GABRB2: variants seen among roughly 807,000 people sequenced by gnomAD.
The protein encoded by GABRB2 is gamma-aminobutyric acid receptor subunit beta-2.
Under a neutral mutation model 54.7 loss-of-function variants are expected in GABRB2, and 16 were observed. The observed-to-expected ratio is 0.29, with a 90% CI of 0.20 to 0.44. The LOEUF (loss-of-function observed/expected upper bound fraction) is 0.44. Among genes scored for constraint, GABRB2 ranks in the 20% least tolerant of loss-of-function variants. The pLI, the probability that GABRB2 is intolerant of heterozygous loss-of-function variation, is 1.00. For synonymous variants in GABRB2, 244 were observed against 233.8 expected (o/e 1.04, Z -0.40); for missense variants, 355 against 644.0 (o/e 0.55, Z 4.86).
At chr5:161,322,298 C>A (rs981849472) in intron 9 of GABRB2, among the ~76,000 whole-genome samples, 2 of 152,102 alleles carry the variant, frequency 1.3e-5, no homozygotes, top group Non-Finnish European at 2.9e-5. Context: ...AGCAATGGTG[C>A]AATCTTGGCG....
chr5:161,514,854 T>C (rs929597465), intron 3 of GABRB2, among the ~76,000 whole-genome samples: 2 of 152,194 alleles, frequency 1.3e-5, no homozygotes, highest in South Asian at 2.1e-4. Flanking sequence ...GTTTAGGAAA[T>C]TGATTAATCT....
intron 7 of GABRB2, 83 bp from the exon 8 acceptor site, chr5:161,331,210 C>A: frequency 1.4e-6 from 2 of 1,434,162 alleles, no homozygotes; most frequent in East Asian, 4.6e-5. Flanking sequence ...GATCTATATT[C>A]ATTTTCTCAT....
chr5:161,391,113 G>A (rs933498911), intron 5 of GABRB2, among the ~76,000 whole-genome samples: 2 of 152,054 alleles, frequency 1.3e-5, no homozygotes, highest in Admixed American at 1.3e-4. Flanking sequence ...ACATCATTAG[G>A]TTATATTTTT....
rs1276680274 is a variant in GABRB2 at position 161,290,910 on chromosome 5, G to A, written c.*3171C>T. The A allele has an allele frequency of 6.6e-6, 1 of 152,506 alleles. No individual in the cohort carries two copies. Among genetic ancestry groups the A allele is most frequent in the Non-Finnish European group, 1.5e-5 (1 of 67,990 alleles). 9.4% of individuals were successfully genotyped at this position (152,506 alleles called of 1,614,324 possible). On this transcript the variant is annotated 3_prime_UTR_variant, in exon 10 of 10. Transcript: ENST00000393959. The stretch of plus-strand genomic sequence containing the variant: ...TTGTGTGTGTTCCTAATGCTAGAAT[G>A]TAAAGTCTTTTGGTTCATAAACCAT...
intron 4 of GABRB2, among the ~76,000 whole-genome samples, chr5:161,452,002 T>C (rs1037400382): frequency 6.6e-6 from 1 of 152,162 alleles, no homozygotes; most frequent in Non-Finnish European, 1.5e-5. Flanking sequence ...GAGTTTTCAA[T>C]GTGATTAAGT....
intron 4 of GABRB2, among the ~76,000 whole-genome samples, chr5:161,438,091 A>G (rs1757361264): frequency 6.6e-6 from 1 of 152,196 alleles, no homozygotes; most frequent in Non-Finnish European, 1.5e-5. Flanking sequence ...GGCCTTGTCC[A>G]AGACCCAGCA....
At position 161,323,312 on chromosome 5, in the gene GABRB2, C is replaced by T. The variant is rs187795334; in HGVS notation, c.1191+3056G>A. On this transcript the variant is annotated intron_variant, in intron 9 of 9. Transcript: ENST00000393959. The stretch of plus-strand genomic sequence containing the variant: ...TGCTGGGATTACAGGCGTGAGCCAC[C>T]CGCCCAGCCAAAATATACTTTTTTA... 5.9e-5 allele frequency among the ~76,000 whole-genome samples: 9 copies of T among 152,214 alleles called. No homozygotes were observed. In the East Asian group the frequency reaches 1.5e-3, roughly 26 times the overall value.
chr5:161,391,934 T>C (rs1267973346), intron 5 of GABRB2, among the ~76,000 whole-genome samples: 1 of 152,324 alleles, frequency 6.6e-6, no homozygotes, highest in East Asian at 1.9e-4. Flanking sequence ...TTCCTAGCCC[T>C]GTAACCTATG....
intron 9 of GABRB2, among the ~76,000 whole-genome samples, chr5:161,316,374 A>C (rs76942431): frequency 6.6e-6 from 1 of 152,184 alleles, no homozygotes; most frequent in South Asian, 2.1e-4. Context: ...AAAATATTAG[A>C]GGTGACTTTG....
chr5:161,362,223 T>C (rs1754834479), intron 5 of GABRB2, among the ~76,000 whole-genome samples: 1 of 152,158 alleles, frequency 6.6e-6, no homozygotes, highest in African/African-American at 2.4e-5. Flanking sequence ...GCCTCCAGCT[T>C]TGTTCTTTTT....
chr5:161,365,669 G>A (rs1754951188), intron 5 of GABRB2, among the ~76,000 whole-genome samples: 1 of 152,112 alleles, frequency 6.6e-6, no homozygotes, highest in African/African-American at 2.4e-5. Flanking sequence ...GAAACATGGA[G>A]AGGTTAAGAT....
In GABRB2 at chr5:161,326,384, T is replaced by G; in HGVS notation, c.1175A>C (p.Asp392Ala). 3.1e-6 allele frequency: 5 copies of G among 1,613,498 alleles called. No individual in the cohort carries two copies. The highest frequency in any genetic ancestry group is 4.2e-6 in the Non-Finnish European group (5 of 1,179,600). ...CTATCTAACCGTATACAGAGAGAAA[T>G]CGTAATTGGTAGTCCGTCTAGTTGG... ...LSPTRRTTNY[D>A]FSLYTMDPHE... Residue 392 changes from aspartate to alanine, a missense_variant, in exon 9 of 10, where the codon GAT becomes GCT. Physicochemically the swap from Asp to Ala is moderately radical, Grantham distance 126. Coordinates refer to ENST00000393959, the MANE Select transcript of GABRB2 (RefSeq NM_001371727.1).
chr5:161,302,075 C>T (rs556059069), intron 9 of GABRB2, among the ~76,000 whole-genome samples: 1 of 152,218 alleles, frequency 6.6e-6, no homozygotes, highest in East Asian at 1.9e-4. Flanking sequence ...AGATGATCCT[C>T]TGTGAATGAG....
Position 161,483,710 on chromosome 5 carries a change from T to C in GABRB2, c.238-23866A>G, listed in dbSNP as rs1581024255. 2.0e-5 allele frequency among the ~76,000 whole-genome samples: 3 copies of C among 152,098 alleles called. No homozygotes were observed. In the South Asian group the frequency reaches 6.2e-4, roughly 32 times the overall value. Reference sequence around the variant, plus strand: ...CAGAAAGAGAGAAATCATTGCTAGTTTAAAATACAGCATAAAATAAATATA... The same window carrying C: ...CAGAAAGAGAGAAATCATTGCTAGTCTAAAATACAGCATAAAATAAATATA... On this transcript the variant is annotated intron_variant, in intron 3 of 9. Transcript: ENST00000393959.
chr5:161,308,455 A>G (rs1431875976), intron 9 of GABRB2, among the ~76,000 whole-genome samples: 3 of 152,222 alleles, frequency 2.0e-5, no homozygotes, highest in Non-Finnish European at 4.4e-5. Context: ...ATTCAATACT[A>G]TGCATATTAA....
At chr5:161,478,009 C>G (rs1243017693) in intron 3 of GABRB2, among the ~76,000 whole-genome samples, 1 of 151,996 alleles carries the variant, frequency 6.6e-6, no homozygotes, top group Non-Finnish European at 1.5e-5. Context: ...AAGAAACCTT[C>G]ACTTGCTTTG....
intron 3 of GABRB2, among the ~76,000 whole-genome samples, chr5:161,501,416 C>T (rs1290253956): frequency 6.6e-6 from 1 of 152,060 alleles, no homozygotes; most frequent in African/African-American, 2.4e-5. Context: ...TTTTATATAG[C>T]AGTATTCTTT....
chr5:161,376,165 GA>G (rs1276395959), intron 5 of GABRB2, among the ~76,000 whole-genome samples: 4 of 152,088 alleles, frequency 2.6e-5, no homozygotes, highest in Non-Finnish European at 5.9e-5. Flanking sequence ...ATGCATTGGG[GA>G]TCACAAAGGC....
chr5:161,485,461 C>A (rs559180850), intron 3 of GABRB2, among the ~76,000 whole-genome samples: 1 of 151,916 alleles, frequency 6.6e-6, no homozygotes, highest in African/African-American at 2.4e-5. Flanking sequence ...TTGAGCTGAG[C>A]ATCATTCTTT....
Sources: allele counts gnomAD v4.1 joint callset (sites outside exome capture counted in the v4.1 genomes callset), GRCh38; gene constraint gnomAD v4.1.1; transcripts MANE v1.5; gene names NCBI Gene and HGNC (gene_info 2026-07-23, HGNC 2026-07-21).